The following IPO7 variants were observed in gnomAD, a reference collection of about 807,000 sequenced individuals.
The protein encoded by IPO7 is importin 7.
In IPO7, 13 loss-of-function variants were observed where a neutral mutation model predicts 136.4. The ratio of observed to expected loss-of-function variants is 0.10; its 90% CI spans 0.06 to 0.15. IPO7 has a LOEUF of 0.15. IPO7 is among the 10% of genes least tolerant of loss of function. The pLI is 1.00. For missense variants in IPO7, 857 were observed against 1,240.6 expected (o/e 0.69, Z 4.65); for synonymous variants, 403 against 404.4 (o/e 1.00, Z 0.04).
Position 9,429,110 on chromosome 11 carries a change from G to T in IPO7, c.1505G>T (p.Arg502Ile). The change falls in exon 14 of 25, where the codon AGA (arginine) becomes ATA (isoleucine). Residue 502 changes from arginine to isoleucine, a missense_variant. By Grantham distance (97) the Arg-to-Ile change is moderately conservative. This residue lies in a region of IPO7 where 127 missense variants were observed against 222.4 expected (regional missense o/e 0.57). Coordinates refer to ENST00000379719, the MANE Select transcript of IPO7 (RefSeq NM_006391.3). ...CTTCAAACAGCCTTAGAGCTAACAA[G>T]AAGATGTCTGATTGATGATAGAGAA... ...QNLQTALELT[R>I]RCLIDDREMP... 6.2e-7 allele frequency: 1 copy of T among 1,613,886 alleles called. No individual in the cohort carries two copies. The highest frequency in any genetic ancestry group is 8.5e-7 in the Non-Finnish European group (1 of 1,179,742).
intron 1 of IPO7, among the ~76,000 whole-genome samples, chr11:9,397,332 T>TAAAAAAAAAA (rs757736784): frequency 0.012 from 151 of 12,082 alleles, 51 homozygotes; most frequent in East Asian, 0.098. Context: ...TAAAAATAAT[T>TAAAAAAAAAA]TAAAAAAAAA....
chr11:9,403,394 A>T (rs934368727), intron 2 of IPO7, 23 bp downstream of exon 2: 2 of 1,510,838 alleles, frequency 1.3e-6, no homozygotes, highest in Non-Finnish European at 1.8e-6. Context: ...AATTATATTG[A>T]GTGTATGTAA....
At chr11:9,439,719 G>GCAC (rs1855434357) in intron 22 of IPO7, among the ~76,000 whole-genome samples, 1 of 146,492 alleles carries the variant, frequency 6.8e-6, no homozygotes, top group Non-Finnish European at 1.5e-5. Flanking sequence ...GGGATTACAG[G>GCAC]CGTGTGCCAC....
chr11:9,421,882 T>C (rs900847062), intron 8 of IPO7, among the ~76,000 whole-genome samples: 4 of 151,570 alleles, frequency 2.6e-5, no homozygotes, highest in Admixed American at 1.3e-4. Flanking sequence ...GGGTGCAGCT[T>C]GCGGTGCGCA....
At chr11:9,428,507 C>A in intron 12 of IPO7, 33 bp from the exon 13 acceptor site, 1 of 885,536 alleles carries the variant, frequency 1.1e-6, no homozygotes. Flanking sequence ...ATATTTGGAA[C>A]TGTATCAAAA....
chr11:9,437,748 T>C lies in IPO7; in HGVS notation c.2269-6T>C, dbSNP rs1260178416. The C allele has an allele frequency of 6.3e-7, 1 of 1,593,234 alleles. No homozygotes were observed. The highest frequency in any genetic ancestry group is 1.3e-5 in the African/African-American group (1 of 74,534). ...TCTTAGAATATCTTGCTATCTTTTT[T>C]TGTAGTGCATTCCCTTATTCGTGGA... On this transcript the variant is annotated splice_region_variant and splice_polypyrimidine_tract_variant and intron_variant, in intron 20 of 24. Transcript: ENST00000379719.
rs1008409686 is a variant in IPO7, at chr11:9,414,275, G to A, written c.500G>A (p.Arg167Gln). 18 of 1,610,836 alleles carry A rather than the reference G, an allele frequency of 1.1e-5. No individual in the cohort carries two copies. The highest frequency in any genetic ancestry group is 2.2e-5 in the East Asian group (1 of 44,812). ...KNYEYKKPEE[R>Q]SPLVAAMQHF... ...CAAAGGTATAAAAAACCAGAGGAGC[G>A]GAGTCCATTGGTAGCAGCAATGCAG... The change falls in exon 5 of 25, where the codon CGG becomes CAG. Residue 167 changes from arginine (R) to glutamine (Q), a missense_variant. Transcript: ENST00000379719.
chr11:9,419,483 G>C (rs1287265532), intron 6 of IPO7, among the ~76,000 whole-genome samples: 1 of 149,676 alleles, frequency 6.7e-6, no homozygotes, highest in Non-Finnish European at 1.5e-5. Flanking sequence ...GGGAGGCAGA[G>C]GTTGCAGTGA....
chr11:9,433,105 T>G, intron 16 of IPO7: 1 of 153,218 alleles, frequency 6.5e-6, no homozygotes. Flanking sequence ...CTGCCTCAGC[T>G]TCCCAAGTAG....
At chr11:9,415,916 T>C (rs1855036579) in intron 5 of IPO7, among the ~76,000 whole-genome samples, 1 of 152,192 alleles carries the variant, frequency 6.6e-6, no homozygotes, top group African/African-American at 2.4e-5. Flanking sequence ...TAAAACAGAT[T>C]TTTAAAAACC....
chr11:9,447,273 G>T lies in IPO7; in HGVS notation c.*2079G>T, dbSNP rs1336532487. 1 of 152,110 alleles carries T rather than the reference G, an allele frequency of 6.6e-6. No individual in the cohort carries two copies. Among genetic ancestry groups the T allele is most frequent in the Non-Finnish European group, 1.5e-5 (1 of 67,996 alleles). The allele number at this position is 152,110 out of a possible 1,614,324, so 9.4% of individuals were successfully genotyped here. On this transcript the variant is annotated 3_prime_UTR_variant, in exon 25 of 25. Coordinates refer to ENST00000379719, the MANE Select transcript of IPO7 (RefSeq NM_006391.3). The stretch of plus-strand genomic sequence containing the variant: ...AGTATGAAAATTCTCATTTGCTGAG[G>T]TTTTGTTTCAAGAAAATGTATTGGC...
intron 1 of IPO7, among the ~76,000 whole-genome samples, chr11:9,398,841 A>G (rs984677922): frequency 1.3e-5 from 2 of 152,180 alleles, no homozygotes; most frequent in Admixed American, 6.5e-5. Context: ...AGTTCTATCT[A>G]GCTGTGATTT....
intron 12 of IPO7, among the ~76,000 whole-genome samples, chr11:9,426,779 A>G (rs1245148496): frequency 6.6e-6 from 1 of 151,794 alleles, no homozygotes; most frequent in South Asian, 2.1e-4. Context: ...ATTTTTTGAG[A>G]TGGAGTCTTG....
In IPO7 at chr11:9,417,168, C is replaced by T. The variant is rs1462194959; in HGVS notation, c.726+20C>T. On this transcript the variant is annotated intron_variant, in intron 6 of 24. Transcript: ENST00000379719. Reference sequence around the variant, plus strand: ...CCTAATGTAAGTTTCTGTATGTTCTCTTATATTACTAAATGTAAATATTTA... The same window carrying T: ...CCTAATGTAAGTTTCTGTATGTTCTTTTATATTACTAAATGTAAATATTTA... 8.2e-6 allele frequency: 8 copies of T among 971,834 alleles called. No individual in the cohort carries two copies. The East Asian group carries it at 1.5e-4, about 18-fold the overall frequency. 60.2% of individuals were successfully genotyped at this position (971,834 alleles called of 1,614,324 possible). A position where few individuals can be genotyped will look rare whatever the true frequency, so the allele number is the denominator to read the frequency against.
chr11:9,437,145 CAAA>C (rs1170324697), intron 20 of IPO7, among the ~76,000 whole-genome samples: 1 of 151,480 alleles, frequency 6.6e-6, no homozygotes, highest in Non-Finnish European at 1.5e-5. Context: ...CTCAGACTCC[CAAA>C]AGTGCTGGGA....
Position 9,440,527 on chromosome 11 carries a change from C to G in IPO7, c.2768C>G (p.Ala923Gly). The change falls in exon 23 of 25, where the codon GCT (alanine) becomes GGT (glycine). Residue 923 changes from alanine (A) to glycine (G), a missense_variant. By Grantham distance (60) the Ala-to-Gly change is moderately conservative (BLOSUM62 0). Around this residue, in one of 11 missense-constraint regions of IPO7, gnomAD observed 119 missense variants for 155.5 expected, o/e 0.77. Transcript: ENST00000379719. ...TATTTGGAGATTCTGGCTAAGCAGG[C>G]TGGTGAAGATGGAGATGATGAAGAT... ...QEYLEILAKQ[A>G]GEDGDDEDWE... 1 of 1,613,874 alleles carries G rather than the reference C, an allele frequency of 6.2e-7. No individual in the cohort carries two copies. Among genetic ancestry groups the G allele is most frequent in the Non-Finnish European group, 8.5e-7 (1 of 1,179,850 alleles).
At chr11:9,417,978 G>T (rs1222659449) in intron 6 of IPO7, among the ~76,000 whole-genome samples, 3 of 151,842 alleles carry the variant, frequency 2.0e-5, no homozygotes, top group African/African-American at 7.2e-5. Flanking sequence ...CTCCCAAAGT[G>T]CTGGGATTAC....
At position 9,398,461 on chromosome 11, in the gene IPO7, C is replaced by T. The variant is rs544125759; in HGVS notation, c.85-4829C>T. Among the ~76,000 whole-genome samples, 9 of 152,236 alleles carry T rather than the reference C, an allele frequency of 5.9e-5. No individual in the cohort carries two copies. The South Asian group carries it at 1.9e-3, about 32-fold the overall frequency. ...TTCTGTAAGGAAATAATGTTTAAGC[C>T]GAAACCCAAAGAATGCGAAGCTGTG... is the stretch of plus-strand genomic sequence containing the variant. On this transcript the variant is annotated intron_variant, in intron 1 of 24. Coordinates refer to ENST00000379719, the MANE Select transcript of IPO7 (RefSeq NM_006391.3).
intron 1 of IPO7, among the ~76,000 whole-genome samples, chr11:9,397,043 A>G (rs991523589): frequency 6.6e-6 from 1 of 151,610 alleles, no homozygotes; most frequent in African/African-American, 2.4e-5. Context: ...TCTGACTTCT[A>G]TTACTATAGG....
Sources: gnomAD v4.1 joint callset for allele counts (sites outside exome capture counted in the v4.1 genomes callset) on GRCh38, gnomAD v4.1.1 for gene constraint, gnomAD v4.1.1 regional missense constraint, MANE v1.5 for transcripts, NCBI Gene and HGNC (gene_info 2026-07-23, HGNC 2026-07-21) for gene names.